GDI2: variants seen among roughly 807,000 people sequenced by gnomAD.
The protein encoded by GDI2 is GDP dissociation inhibitor 2, also known as rab GDP dissociation inhibitor beta.
GDI2 carries 22 observed loss-of-function variants against 54.2 expected under a neutral mutation model. The ratio of observed to expected loss-of-function variants is 0.41; its 90% CI spans 0.29 to 0.58. The LOEUF (loss-of-function observed/expected upper bound fraction) is 0.58, where lower values mean the gene tolerates loss of function less well. Ranked by LOEUF, GDI2 falls within the 20% of genes least tolerant of loss-of-function variation. The pLI is 0.35. For missense variants in GDI2, 422 were observed against 546.0 expected, an observed-to-expected ratio of 0.77 and a Z score of 2.26; for synonymous variants, 177 against 182.1, an observed-to-expected ratio of 0.97 and a Z score of 0.23.
chr10:5,810,942 C>A (rs1321874071), intron 1 of GDI2, among the ~76,000 whole-genome samples: 1 of 152,216 alleles, frequency 6.6e-6, no homozygotes, highest in East Asian at 1.9e-4. Context: ...CACTTCCTTA[C>A]ACTTCTTTAA....
At chr10:5,794,091 G>GAGGT (rs1239560764) in intron 4 of GDI2, among the ~76,000 whole-genome samples, 3 of 149,870 alleles carry the variant, frequency 2.0e-5, no homozygotes, top group Non-Finnish European at 4.4e-5. Flanking sequence ...TTGAACCTGG[G>GAGGT]AGGTAGAGGT....
Position 5,766,876 on chromosome 10 carries a change from GTTTGGAATGAGATCTC to G in GDI2, c.992-254_992-239del, listed in dbSNP as rs1444107593. Among the ~76,000 whole-genome samples, 2 of 152,188 alleles carry G rather than the reference GTTTGGAATGAGATCTC, an allele frequency of 1.3e-5. No individual in the cohort carries two copies. The highest frequency in any genetic ancestry group is 2.9e-5 in the Non-Finnish European group (2 of 68,026). On this transcript the variant is annotated intron_variant, in intron 8 of 10. Transcript: ENST00000380191. This position sits in a 1 kb window ranked among gnomAD's most constrained non-coding sequence, Gnocchi z 5.8. The stretch of plus-strand genomic sequence containing the variant: ...ATTGAAGTGGTAGCGAACTGCTGAA[GTTTGGAATGAGATCTC>G]TTAACAGCTCTGTCATACCTAACTA...
intron 4 of GDI2, among the ~76,000 whole-genome samples, chr10:5,789,016 C>T (rs1219613693): frequency 6.6e-6 from 1 of 152,190 alleles, no homozygotes; most frequent in East Asian, 1.9e-4. Flanking sequence ...ATCCGCCTGC[C>T]TCAGCCTCCC....
chr10:5,805,818 C>G (rs192904319), intron 1 of GDI2, among the ~76,000 whole-genome samples: 1 of 152,136 alleles, frequency 6.6e-6, no homozygotes, highest in Non-Finnish European at 1.5e-5. Flanking sequence ...GTGTAATATC[C>G]GAGTTGGGGC....
chr10:5,800,908 G>A (rs1163963792), intron 1 of GDI2, among the ~76,000 whole-genome samples: 1 of 151,594 alleles, frequency 6.6e-6, no homozygotes. Flanking sequence ...GATTAAAACT[G>A]TTTCATAATA....
intron 1 of GDI2, among the ~76,000 whole-genome samples, chr10:5,809,840 G>T (rs1387370911): frequency 2.0e-5 from 3 of 152,202 alleles, no homozygotes; most frequent in African/African-American, 7.2e-5. Flanking sequence ...AAAAACCAAT[G>T]TCACACTATT....
intron 1 of GDI2, among the ~76,000 whole-genome samples, chr10:5,808,102 C>T (rs1194863383): frequency 6.6e-6 from 1 of 151,640 alleles, no homozygotes; most frequent in Non-Finnish European, 1.5e-5. Context: ...TTTGGGAGGA[C>T]GAGGCAGAAG....
intron 3 of GDI2, 98 bp downstream of exon 3, chr10:5,796,665 A>T (rs1409552887): frequency 1.5e-6 from 1 of 683,830 alleles, no homozygotes; most frequent in East Asian, 2.5e-5. Flanking sequence ...AACAAAATCC[A>T]GTTCCTCATA....
intron 4 of GDI2, among the ~76,000 whole-genome samples, chr10:5,794,369 T>C (rs1489473055): frequency 6.6e-6 from 1 of 151,400 alleles, no homozygotes; most frequent in Admixed American, 6.6e-5. Context: ...CTTAGTAACA[T>C]GATTAAGCAC....
At chr10:5,785,803 T>G in intron 5 of GDI2, 49 bp downstream of exon 5, 2 of 1,129,548 alleles carry the variant, frequency 1.8e-6, no homozygotes, top group African/African-American at 1.5e-5. Flanking sequence ...CTTGGGAAAT[T>G]TAGTGAGAAT....
In GDI2 at chr10:5,786,025, A is replaced by G. The variant is rs1373802973; in HGVS notation, c.414T>C (p.Arg138=). Residue 138 remains arginine, a synonymous_variant, in exon 5 of 11, where the codon CGT becomes CGC. Coordinates refer to ENST00000380191, the MANE Select transcript of GDI2 (RefSeq NM_001494.4). ...ASSLMGLFEK[R]RFRKFLVYVA... ...CATACACTAGGAATTTCCTGAAGCG[A>G]CGTTTTTCAAACAATCCCATTAGGC... 2 of 1,613,388 alleles carry G rather than the reference A, an allele frequency of 1.2e-6. No individual in the cohort carries two copies. The highest frequency in any genetic ancestry group is 4.5e-5 in the East Asian group (2 of 44,876).
intron 6 of GDI2, among the ~76,000 whole-genome samples, chr10:5,780,185 G>C (rs1000950276): frequency 3.3e-5 from 5 of 149,992 alleles, no homozygotes; most frequent in African/African-American, 1.2e-4. Flanking sequence ...CTCTAGCATG[G>C]GTGACAGAGT....
chr10:5,813,186 GC>G, intron 1 of GDI2, 27 bp downstream of exon 1: 1 of 1,493,802 alleles, frequency 6.7e-7, no homozygotes. Context: ...CGGCTGCTCA[GC>G]CCCGGCCCCT....
intron 4 of GDI2, among the ~76,000 whole-genome samples, chr10:5,794,188 A>AAATATATAT (rs1448053813): frequency 2.5e-5 from 1 of 40,346 alleles, no homozygotes; most frequent in Non-Finnish European, 4.2e-5. Flanking sequence ...AAAAAAAAAA[A>AAATATATAT]ATATATATAT....
At chr10:5,812,627 A>C (rs1359836238) in intron 1 of GDI2, among the ~76,000 whole-genome samples, 2 of 152,222 alleles carry the variant, frequency 1.3e-5, no homozygotes, top group South Asian at 4.1e-4. Context: ...AATACTTCTC[A>C]TTAGCAGGGG....
At chr10:5,791,992 T>C (rs1464467643) in intron 4 of GDI2, among the ~76,000 whole-genome samples, 1 of 152,142 alleles carries the variant, frequency 6.6e-6, no homozygotes, top group Non-Finnish European at 1.5e-5. Context: ...GGATCTTGAC[T>C]AATTAGAGAA....
intron 8 of GDI2, among the ~76,000 whole-genome samples, chr10:5,767,710 TGAAAG>T (rs946778424): frequency 7.2e-5 from 11 of 152,254 alleles, no homozygotes; most frequent in Admixed American, 2.6e-4. Context: ...GGCTTCTAGT[TGAAAG>T]GAAAATGGGA....
chr10:5,778,327 C>T (rs1261088194), intron 6 of GDI2, among the ~76,000 whole-genome samples: 3 of 152,126 alleles, frequency 2.0e-5, no homozygotes, highest in South Asian at 2.1e-4. Flanking sequence ...TCTATAATGC[C>T]ATAAATGATC....
chr10:5,800,711 GA>G lies in GDI2; in HGVS notation c.46-7del. 7.2e-7 allele frequency: 1 copy of G among 1,383,142 alleles called. No homozygotes were observed. Among genetic ancestry groups the G allele is most frequent in the Non-Finnish European group, 1.0e-6 (1 of 970,012 alleles). 85.7% of individuals were successfully genotyped at this position (1,383,142 alleles called of 1,614,324 possible). ...ATACCTGACAGGATACATTCCTATA[GA>G]AAAAGCATAGTACCTTGAAAAGAAA... On this transcript the variant is annotated splice_polypyrimidine_tract_variant and splice_region_variant and intron_variant, in intron 1 of 10. Coordinates refer to ENST00000380191, the MANE Select transcript of GDI2 (RefSeq NM_001494.4).
Sources: gnomAD v4.1 joint callset for allele counts (sites outside exome capture counted in the v4.1 genomes callset) on GRCh38, gnomAD v4.1.1 for gene constraint, Gnocchi (gnomAD v3.1) non-coding constraint, MANE v1.5 for transcripts, NCBI Gene and HGNC (gene_info 2026-07-23, HGNC 2026-07-21) for gene names.